Variants in RAF1 observed in about 807,000 individuals in gnomAD.
RAF1 encodes the protein RAF proto-oncogene serine/threonine-protein kinase.
A neutral mutation model predicts 81.1 loss-of-function variants in RAF1; 27 were observed. The observed-to-expected ratio is 0.33, with a 90% CI of 0.25 to 0.46. The LOEUF (loss-of-function observed/expected upper bound fraction) is 0.46. RAF1 is among the 20% of genes least tolerant of loss of function. RAF1 has a pLI of 1.00. For missense variants in RAF1, 598 were observed against 826.0 expected (o/e 0.72, Z 3.38); for synonymous variants, 298 against 294.0 (o/e 1.01, Z -0.14).
intron 14 of RAF1, 97 bp from the exon 14 acceptor site, chr3:12,585,896 T>TAC (rs1189185619): frequency 1.1e-6 from 1 of 876,546 alleles, no homozygotes; most frequent in African/African-American, 1.6e-5. Context: ...CTCTCCACCT[T>TAC]ACCTCTGTCA....
rs1575588814 is a variant in RAF1, at chr3:12,612,012, G to C, written c.258C>G (p.Leu86=). Residue 86 remains leucine, a synonymous_variant, in exon 3 of 18, where the codon CTC becomes CTG. Transcript: ENST00000442415. ...ACTCTGGTTGCAGGCCCCTCACCTT[G>C]AGTGCTTTCATAAGGCAGTCATGCA... 2 of 1,614,010 alleles carry C rather than the reference G, an allele frequency of 1.2e-6. No individual in the cohort carries two copies. Among genetic ancestry groups the C allele is most frequent in the African/African-American group, 1.3e-5 (1 of 74,906 alleles).
intron 1 of RAF1, among the ~76,000 whole-genome samples, chr3:12,620,267 C>T (rs1222552362): frequency 4.6e-5 from 7 of 151,932 alleles, no homozygotes; most frequent in African/African-American, 1.7e-4. Context: ...CCCGAGTAGC[C>T]GGGATTACAG....
At chr3:12,622,394 C>T (rs918366301) in intron 1 of RAF1, among the ~76,000 whole-genome samples, 1 of 147,748 alleles carries the variant, frequency 6.8e-6, no homozygotes, top group Non-Finnish European at 1.5e-5. Context: ...AATCTAAACT[C>T]CCTGACAAGG....
chr3:12,610,788 G>A (rs1228311451), intron 3 of RAF1, among the ~76,000 whole-genome samples: 2 of 152,238 alleles, frequency 1.3e-5, no homozygotes, highest in East Asian at 3.9e-4. Context: ...CCCTTTAAAG[G>A]TTTCCCTATA....
rs1409107814 is a variant in RAF1, at chr3:12,618,752, T to C, written c.-26-5A>G. 2 of 1,601,780 alleles carry C rather than the reference T, an allele frequency of 1.2e-6. No homozygotes were observed. Among genetic ancestry groups the C allele is most frequent in the Non-Finnish European group, 1.7e-6 (2 of 1,169,692 alleles). ...CAGCTTAAACAATTCTTAAACCTGGTAAGAAACACAAATAATTGTAACTCT... is the reference window on the plus strand; with the variant it reads ...CAGCTTAAACAATTCTTAAACCTGGCAAGAAACACAAATAATTGTAACTCT... On this transcript the variant is annotated splice_polypyrimidine_tract_variant and splice_region_variant and intron_variant, in intron 1 of 17. Transcript: ENST00000442415.
intron 12 of RAF1, among the ~76,000 whole-genome samples, chr3:12,591,274 G>A (rs1283768908): frequency 1.3e-5 from 2 of 152,144 alleles, no homozygotes; most frequent in Non-Finnish European, 2.9e-5. Context: ...AGGACTCCTT[G>A]TAGAAGTCTC....
At chr3:12,604,337 T>G (rs1458928980) in intron 6 of RAF1, 48 bp from the exon 7 acceptor site, 1 of 1,585,282 alleles carries the variant, frequency 6.3e-7, no homozygotes, top group Non-Finnish European at 8.6e-7. Context: ...GCTTTCATAC[T>G]GGTGAAGTCT....
chr3:12,592,202 AC>A, intron 11 of RAF1: 1 of 327,272 alleles, frequency 3.1e-6, no homozygotes, highest in South Asian at 2.6e-5. Flanking sequence ...ACAGGTCAAA[AC>A]CTTGTCCTGT....
chr3:12,606,375 G>A (rs2125407570), intron 5 of RAF1, 76 bp from the exon 6 acceptor site: 1 of 1,083,518 alleles, frequency 9.2e-7, no homozygotes, highest in Non-Finnish European at 1.4e-6. Context: ...CCTTGCTTTT[G>A]CAAACTCAGA....
At chr3:12,592,273 G>A (rs2058539909) in intron 11 of RAF1, among the ~76,000 whole-genome samples, 1 of 152,158 alleles carries the variant, frequency 6.6e-6, no homozygotes, top group African/African-American at 2.4e-5. Flanking sequence ...ACTGGGGCTG[G>A]TTGCTGGTGT....
chr3:12,627,277 A>G (rs2059732178), intron 1 of RAF1, among the ~76,000 whole-genome samples: 2 of 152,208 alleles, frequency 1.3e-5, no homozygotes, highest in South Asian at 4.1e-4. Context: ...ATTCTAGTCT[A>G]GTACAGAAAT....
At chr3:12,645,893 T>C (rs1286347701) in intron 1 of RAF1, among the ~76,000 whole-genome samples, 3 of 152,074 alleles carry the variant, frequency 2.0e-5, no homozygotes, top group Admixed American at 2.0e-4. Flanking sequence ...TACTTTTAAA[T>C]AAATATTGTT....
chr3:12,608,026 C>A (rs573056930), intron 5 of RAF1, among the ~76,000 whole-genome samples: 1 of 148,692 alleles, frequency 6.7e-6, no homozygotes, highest in African/African-American at 2.5e-5. Flanking sequence ...ATTTGTGCTA[C>A]TCAAGCTCTC....
chr3:12,589,946 A>C (rs1423735581), intron 13 of RAF1: 1 of 151,810 alleles, frequency 6.6e-6, no homozygotes, highest in Non-Finnish European at 1.5e-5. Flanking sequence ...GCCTGCCACC[A>C]CAACCAGCTA....
At chr3:12,617,413 C>A (rs1226097868) in intron 2 of RAF1, among the ~76,000 whole-genome samples, 2 of 152,118 alleles carry the variant, frequency 1.3e-5, no homozygotes, top group Admixed American at 6.5e-5. Context: ...CTGCACCAGG[C>A]CTACTTTTTT....
chr3:12,618,888 T>C, intron 1 of RAF1, 141 bp from the exon 2 acceptor site: 2 of 686,590 alleles, frequency 2.9e-6, no homozygotes, highest in Non-Finnish European at 2.5e-6. Flanking sequence ...GAAAAGTTTC[T>C]TTAATAGTAC....
chr3:12,637,566 T>C (rs934346834), intron 1 of RAF1, among the ~76,000 whole-genome samples: 17 of 152,072 alleles, frequency 1.1e-4, no homozygotes, highest in African/African-American at 3.9e-4. Context: ...AGCACAGTCA[T>C]TGTGTTCTTA....
chr3:12,662,410 A>G (rs1330672620), intron 1 of RAF1, among the ~76,000 whole-genome samples: 2 of 151,868 alleles, frequency 1.3e-5, no homozygotes, highest in Admixed American at 1.3e-4. Context: ...AAAATTTAAA[A>G]GTCATTAACT....
intron 1 of RAF1, among the ~76,000 whole-genome samples, chr3:12,633,944 A>AAC (rs1553619938): frequency 6.6e-6 from 1 of 151,718 alleles, no homozygotes; most frequent in Non-Finnish European, 1.5e-5. Context: ...CAAAAAAAAA[A>AAC]AAAAAAACAA....
Sources: gnomAD v4.1 joint callset for allele counts (sites outside exome capture counted in the v4.1 genomes callset) on GRCh38, gnomAD v4.1.1 for gene constraint, MANE v1.5 for transcripts, NCBI Gene and HGNC (gene_info 2026-07-23, HGNC 2026-07-21) for gene names.